Variants in ZNF704 observed in about 807,000 individuals in gnomAD.
The protein encoded by ZNF704 is zinc finger protein 704, also known as glucocorticoid induced gene 1.
In ZNF704, 10 loss-of-function variants were observed where a neutral mutation model predicts 44.7. The observed-to-expected ratio is 0.22, with a 90% confidence interval of 0.14 to 0.38. The LOEUF (loss-of-function observed/expected upper bound fraction) is 0.38. ZNF704 is among the 10% of genes least tolerant of loss of function. ZNF704 has a pLI of 1.00. For missense variants in ZNF704, 390 were observed against 545.5 expected (o/e 0.71, Z 2.84); for synonymous variants, 211 against 207.6 (o/e 1.02, Z -0.14).
rs998297510 is a variant in ZNF704 at position 80,629,786 on chromosome 8, C to G, written c.*11580G>C. On this transcript the variant is annotated 3_prime_UTR_variant, in exon 9 of 9. Coordinates refer to ENST00000327835, the MANE Select transcript of ZNF704 (RefSeq NM_001033723.3). ...TTTTTTTCTGGGATTGAGAATTAAA[C>G]CCAGCAGATAAAACCTATGCTAACT... 1.3e-5 allele frequency: 2 copies of G among 152,076 alleles called. No individual in the cohort carries two copies. The highest frequency in any genetic ancestry group is 4.8e-5 in the African/African-American group (2 of 41,396). The allele number at this position is 152,076 out of a possible 1,614,324, so 9.4% of individuals were successfully genotyped here. A position where few individuals can be genotyped will look rare whatever the true frequency, so the allele number is the denominator to read the frequency against.
At chr8:80,860,241 G>C (rs572429028) in intron 1 of ZNF704, among the ~76,000 whole-genome samples, 11 of 152,298 alleles carry the variant, frequency 7.2e-5, no homozygotes, top group African/African-American at 1.9e-4. Context: ...GGAGCTAACA[G>C]AGAAAGGAAA....
intron 2 of ZNF704, among the ~76,000 whole-genome samples, chr8:80,732,420 G>A (rs182155391): frequency 2.6e-5 from 4 of 152,282 alleles, no homozygotes; most frequent in Admixed American, 2.6e-4. Context: ...TGCCACTTTT[G>A]AGGCTTGGCT....
chr8:80,863,582 T>G (rs956816606), intron 1 of ZNF704, among the ~76,000 whole-genome samples: 2 of 152,210 alleles, frequency 1.3e-5, no homozygotes, highest in Non-Finnish European at 2.9e-5. Context: ...ATCTATAAAA[T>G]GGGGATAATA....
At chr8:80,794,955 T>C (rs568937009) in intron 2 of ZNF704, among the ~76,000 whole-genome samples, 1 of 152,322 alleles carries the variant, frequency 6.6e-6, no homozygotes, top group Non-Finnish European at 1.5e-5. Context: ...ACAGTATAAA[T>C]GTATGGTACA....
intron 2 of ZNF704, among the ~76,000 whole-genome samples, chr8:80,794,449 A>G (rs1291033050): frequency 1.3e-5 from 2 of 152,200 alleles, no homozygotes; most frequent in East Asian, 3.8e-4. Flanking sequence ...CATTTCAAAA[A>G]TCTTTCCAGG....
At chr8:80,656,964 T>G (rs960160572) in intron 7 of ZNF704, among the ~76,000 whole-genome samples, 2 of 152,184 alleles carry the variant, frequency 1.3e-5, no homozygotes, top group Non-Finnish European at 2.9e-5. Context: ...TTTTAGAGCT[T>G]TGGTCTGAAA....
rs540098656 is a variant in ZNF704 at position 80,678,372 on chromosome 8, A to T, written c.559-7769T>A. On this transcript the variant is annotated intron_variant, in intron 4 of 8. Transcript: ENST00000327835. ...CCTCTTCCTTTTGACATTCCTTTTG[A>T]ATATCTCATCTCACATTTATTATCC... Among the ~76,000 whole-genome samples the T allele has an allele frequency of 2.0e-5, 3 of 152,192 alleles. No homozygotes were observed. The South Asian group carries it at 6.2e-4, about 32-fold the overall frequency.
At chr8:80,711,454 T>C (rs999601408) in intron 2 of ZNF704, among the ~76,000 whole-genome samples, 17 of 152,178 alleles carry the variant, frequency 1.1e-4, no homozygotes, top group Non-Finnish European at 1.2e-4. Flanking sequence ...AATGTATAGA[T>C]ACATGCAAAA....
intron 2 of ZNF704, among the ~76,000 whole-genome samples, chr8:80,797,235 A>C: frequency 1.3e-5 from 2 of 152,172 alleles, no homozygotes; most frequent in South Asian, 4.2e-4. Context: ...GCACACAGGT[A>C]GCTTTATAGT....
intron 1 of ZNF704, among the ~76,000 whole-genome samples, chr8:80,843,555 T>TC (rs1808715903): frequency 6.6e-6 from 1 of 152,234 alleles, no homozygotes; most frequent in Non-Finnish European, 1.5e-5. Flanking sequence ...ACATGTACAT[T>TC]CTTCCAGGGA....
At chr8:80,688,300 G>T (rs951743207) in intron 3 of ZNF704, among the ~76,000 whole-genome samples, 2 of 152,174 alleles carry the variant, frequency 1.3e-5, no homozygotes, top group African/African-American at 4.8e-5. Flanking sequence ...GAATCTAAGA[G>T]AAATAATTTC....
At chr8:80,778,802 C>CA (rs932007410) in intron 2 of ZNF704, among the ~76,000 whole-genome samples, 13 of 152,088 alleles carry the variant, frequency 8.5e-5, no homozygotes, top group African/African-American at 2.9e-4. Context: ...GGGAGCTAAA[C>CA]AATGAGAATT....
intron 7 of ZNF704, among the ~76,000 whole-genome samples, chr8:80,656,852 A>T (rs1457782620): frequency 1.3e-5 from 2 of 150,218 alleles, no homozygotes; most frequent in Admixed American, 6.6e-5. Context: ...GGATAAAGGT[A>T]TTTTTTTTTT....
chr8:80,741,930 G>A lies in ZNF704; in HGVS notation c.222-48823C>T, dbSNP rs149599192. Reference sequence around the variant, plus strand: ...CTGGCAAAACTAATAGCCCTCACTCGGGCATCAGAATTAGGAAAAGGAAAA... The same window carrying A: ...CTGGCAAAACTAATAGCCCTCACTCAGGCATCAGAATTAGGAAAAGGAAAA... On this transcript the variant is annotated intron_variant, in intron 2 of 8. Coordinates refer to ENST00000327835, the MANE Select transcript of ZNF704 (RefSeq NM_001033723.3). 2.1e-3 allele frequency among the ~76,000 whole-genome samples: 324 copies of A among 152,190 alleles called. 2 individuals carry two copies. Among genetic ancestry groups the A allele is most frequent in the Middle Eastern group, 0.01 (3 of 294 alleles).
chr8:80,748,848 C>T (rs1446407137), intron 2 of ZNF704, among the ~76,000 whole-genome samples: 1 of 152,178 alleles, frequency 6.6e-6, no homozygotes, highest in Non-Finnish European at 1.5e-5. Flanking sequence ...TAGGCCGCCT[C>T]TGAGAGACAT....
intron 2 of ZNF704, chr8:80,776,934 G>A (rs1301845006): frequency 1.3e-5 from 2 of 152,236 alleles, no homozygotes; most frequent in Non-Finnish European, 2.9e-5. Context: ...GAGTAGCTGG[G>A]ATGATAGGTG....
chr8:80,650,221 C>G, intron 7 of ZNF704, among the ~76,000 whole-genome samples: 1 of 152,106 alleles, frequency 6.6e-6, no homozygotes. Flanking sequence ...GAAAAAACAG[C>G]AGAAAAACTG....
At chr8:80,844,802 G>A (rs983284944) in intron 1 of ZNF704, among the ~76,000 whole-genome samples, 21 of 151,974 alleles carry the variant, frequency 1.4e-4, no homozygotes, top group African/African-American at 4.6e-4. Flanking sequence ...CTTTTTGAAT[G>A]AGAAGCTTGA....
intron 2 of ZNF704, among the ~76,000 whole-genome samples, chr8:80,713,264 T>C (rs1327061305): frequency 6.6e-6 from 1 of 152,230 alleles, no homozygotes; most frequent in Non-Finnish European, 1.5e-5. Context: ...TGATGTTGGA[T>C]ATTTGTTTTT....
Sources: allele counts gnomAD v4.1 joint callset (sites outside exome capture counted in the v4.1 genomes callset), GRCh38; gene constraint gnomAD v4.1.1; transcripts MANE v1.5; gene names NCBI Gene and HGNC (gene_info 2026-07-23, HGNC 2026-07-21).